Variants in EVC observed in about 807,000 individuals in gnomAD.
The protein encoded by EVC is evC complex member EVC.
EVC carries 116 observed loss-of-function variants against 118.9 expected under a neutral mutation model. That is an observed-to-expected ratio of 0.98 (90% CI 0.84 to 1.14). The LOEUF (loss-of-function observed/expected upper bound fraction) is 1.14, where lower values mean the gene tolerates loss of function less well. Among genes scored for constraint, EVC ranks in the 50% most tolerant of loss-of-function variants. The pLI, the probability that EVC is intolerant of heterozygous loss-of-function variation, is 0.00. For missense variants in EVC, 1,401 were observed against 1,246.4 expected, an observed-to-expected ratio of 1.12 and a Z score of -1.87; for synonymous variants, 619 against 534.7, an observed-to-expected ratio of 1.16 and a Z score of -2.18.
chr4:5,822,213 CT>C, the EVC span, among the ~76,000 whole-genome samples: 1 of 152,226 alleles, frequency 6.6e-6, no homozygotes. Flanking sequence ...CACAATCATA[CT>C]ATGAAGGGGG....
the EVC span, among the ~76,000 whole-genome samples, chr4:5,822,191 G>T: frequency 2.0e-5 from 3 of 152,218 alleles, no homozygotes; most frequent in Admixed American, 6.5e-5. Context: ...ACATGTTACT[G>T]CATTTAGGGC....
chr4:5,740,007 C>T (rs1318312187), intron 5 of EVC, among the ~76,000 whole-genome samples: 1 of 151,718 alleles, frequency 6.6e-6, no homozygotes, highest in East Asian at 1.9e-4. Flanking sequence ...GAGGCAAAAG[C>T]ACTTCAATGG....
the EVC span, chr4:5,828,323 C>T: frequency 2.1e-5 from 21 of 981,858 alleles, no homozygotes; most frequent in Non-Finnish European, 2.3e-5. Flanking sequence ...CTCCTGTCCT[C>T]AGACAGGAGC....
chr4:5,783,089 C>T (rs1035098853), intron 11 of EVC, among the ~76,000 whole-genome samples: 3 of 150,118 alleles, frequency 2.0e-5, no homozygotes, highest in African/African-American at 2.5e-5. Flanking sequence ...TGCGTGTGTG[C>T]GTGTGTGTGT....
chr4:5,825,123 T>G, the EVC span: 6 of 985,314 alleles, frequency 6.1e-6, no homozygotes, highest in African/African-American at 1.0e-4. The surrounding 1 kb of genome is among the most constrained non-coding windows in gnomAD (Gnocchi z 4.4). Flanking sequence ...ACAGAGCACA[T>G]GCCCTGCAAA....
At position 5,813,187 on chromosome 4, in the gene EVC, A is replaced by G. The variant is rs1052352115; in HGVS notation, c.*2150A>G. 2 of 152,180 alleles carry G rather than the reference A, an allele frequency of 1.3e-5. No homozygotes were observed. Among genetic ancestry groups the G allele is most frequent in the Admixed American group, 6.5e-5 (1 of 15,274 alleles). 9.4% of individuals were successfully genotyped at this position (152,180 alleles called of 1,614,324 possible). ...TTATTCCATGGAGTTGTGCAAAGCT[A>G]TGGCTTCCTTGGTGCAATATTCTTA... On this transcript the variant is annotated 3_prime_UTR_variant, in exon 21 of 21. Transcript: ENST00000264956.
rs1322589866 is a variant in EVC, at chr4:5,810,426, G to A, written c.2870G>A (p.Gly957Glu). The change falls in exon 20 of 21, where the codon GGG becomes GAG. Residue 957 changes from glycine (G) to glutamate (E), a missense_variant. Gly to Glu is a moderately conservative substitution (Grantham distance 98). Coordinates refer to ENST00000264956, the MANE Select transcript of EVC (RefSeq NM_153717.3). Reference protein sequence around the residue: ...GVPNNEDLASGDQTSGSLSSK... With the variant: ...GVPNNEDLASEDQTSGSLSSK... ...CCCAACAATGAGGACCTTGCCTCCG[G>A]GGACCAGACCTCAGGCTCACTCAGG... The A allele has an allele frequency of 1.2e-6, 2 of 1,612,796 alleles. No homozygotes were observed. The highest frequency in any genetic ancestry group is 2.7e-5 in the African/African-American group (2 of 75,036).
At chr4:5,804,490 C>G (rs1196930083) in intron 16 of EVC, among the ~76,000 whole-genome samples, 1 of 152,148 alleles carries the variant, frequency 6.6e-6, no homozygotes, top group African/African-American at 2.4e-5. Context: ...TCTCCTGATA[C>G]AAGAAAGCTA....
intron 11 of EVC, among the ~76,000 whole-genome samples, chr4:5,776,945 G>A (rs550457429): frequency 1.3e-5 from 2 of 152,224 alleles, no homozygotes; most frequent in East Asian, 3.9e-4. Flanking sequence ...AGCATAGTAA[G>A]CATTGATATT....
At chr4:5,783,902 C>G in intron 12 of EVC, 138 bp downstream of exon 12, 2 of 790,920 alleles carry the variant, frequency 2.5e-6, no homozygotes, top group East Asian at 2.7e-5. Context: ...CTCCCTTTCA[C>G]AATGGCCCAC....
chr4:5,759,737 T>C (rs1731715868), intron 11 of EVC, among the ~76,000 whole-genome samples: 1 of 152,216 alleles, frequency 6.6e-6, no homozygotes, highest in African/African-American at 2.4e-5. Context: ...AAGCAGTATA[T>C]AAATGTAAAC....
the EVC span, among the ~76,000 whole-genome samples, chr4:5,827,611 C>G: frequency 2.0e-5 from 3 of 149,970 alleles, no homozygotes; most frequent in African/African-American, 4.9e-5. Context: ...TGCTCGCATA[C>G]ACACACGCGC....
chr4:5,801,222 C>T (rs1459215989), intron 15 of EVC, among the ~76,000 whole-genome samples: 3 of 152,162 alleles, frequency 2.0e-5, no homozygotes, highest in African/African-American at 2.4e-5. Context: ...GTGATGTGAC[C>T]GAGGACGAGG....
intron 13 of EVC, among the ~76,000 whole-genome samples, chr4:5,794,332 TA>T (rs1560420001): frequency 3.3e-4 from 40 of 119,910 alleles, no homozygotes; most frequent in South Asian, 1.0e-3. Flanking sequence ...TATTTATATA[TA>T]TTTATATACT....
intron 15 of EVC, among the ~76,000 whole-genome samples, chr4:5,799,932 G>A (rs547231024): frequency 3.3e-5 from 5 of 152,308 alleles, no homozygotes; most frequent in East Asian, 3.9e-4. Context: ...GTAAATGCTC[G>A]CTGCATGAAA....
intron 17 of EVC, 38 bp from the exon 18 acceptor site, chr4:5,808,163 C>A (rs1716283852): frequency 7.7e-7 from 1 of 1,305,744 alleles, no homozygotes; most frequent in Non-Finnish European, 1.1e-6. Context: ...CCCTCCCTTC[C>A]TTCCTCCCTG....
intron 8 of EVC, among the ~76,000 whole-genome samples, chr4:5,750,319 A>T (rs1007988536): frequency 6.6e-6 from 1 of 152,212 alleles, no homozygotes; most frequent in African/African-American, 2.4e-5. Context: ...CAGGATATTG[A>T]TGCAGAAAAA....
At chr4:5,801,875 C>T in intron 15 of EVC, 75 bp from the exon 16 acceptor site, 1 of 1,534,662 alleles carries the variant, frequency 6.5e-7, no homozygotes, top group Non-Finnish European at 8.9e-7. Flanking sequence ...CATGGGGAGG[C>T]AGGGACTGGA....
intron 2 of EVC, 136 bp from the exon 3 acceptor site, chr4:5,729,171 T>G: frequency 1.3e-6 from 1 of 781,000 alleles, no homozygotes; most frequent in Admixed American, 1.9e-5. Context: ...AGAGCTAATA[T>G]GAATCTAAAT....
Sources: gnomAD v4.1 joint callset for allele counts (sites outside exome capture counted in the v4.1 genomes callset) on GRCh38, gnomAD v4.1.1 for gene constraint, Gnocchi (gnomAD v3.1) non-coding constraint, MANE v1.5 for transcripts, NCBI Gene and HGNC (gene_info 2026-07-23, HGNC 2026-07-21) for gene names.